The following PDE7A variants were observed in gnomAD, a reference collection of about 807,000 sequenced individuals.
PDE7A encodes the protein phosphodiesterase 7A.
A neutral mutation model predicts 64.3 loss-of-function variants in PDE7A; 39 were observed. That is an observed-to-expected ratio of 0.61 (90% CI 0.47 to 0.79). The LOEUF is 0.79. Among genes scored for constraint, PDE7A ranks in the 30% least tolerant of loss-of-function variants. The pLI, the probability that PDE7A is intolerant of heterozygous loss-of-function variation, is 0.00. For synonymous variants in PDE7A, 203 were observed against 206.8 expected, an observed-to-expected ratio of 0.98 and a Z score of 0.16; for missense variants, 470 against 582.8, an observed-to-expected ratio of 0.81 and a Z score of 1.99.
intron 1 of PDE7A, among the ~76,000 whole-genome samples, chr8:65,826,532 G>T (rs562257541): frequency 2.0e-5 from 3 of 152,124 alleles, no homozygotes; most frequent in Non-Finnish European, 4.4e-5. Context: ...AAAATGTATT[G>T]CAACTGTCTA....
chr8:65,830,083 C>T (rs1196520143), intron 1 of PDE7A, among the ~76,000 whole-genome samples: 1 of 152,090 alleles, frequency 6.6e-6, no homozygotes, highest in Non-Finnish European at 1.5e-5. Flanking sequence ...TTCCCCTCTG[C>T]CACTTCATAA....
At chr8:65,787,525 A>C (rs1015258945) in intron 1 of PDE7A, among the ~76,000 whole-genome samples, 5 of 152,196 alleles carry the variant, frequency 3.3e-5, no homozygotes, top group Non-Finnish European at 7.3e-5. Flanking sequence ...TAAAGTATTC[A>C]AATATTGCAC....
At chr8:65,761,330 C>CT (rs1365147894) in intron 3 of PDE7A, among the ~76,000 whole-genome samples, 5 of 152,196 alleles carry the variant, frequency 3.3e-5, no homozygotes, top group African/African-American at 4.8e-5. Context: ...TCCCAAAGTG[C>CT]TAGGATTACA....
intron 1 of PDE7A, among the ~76,000 whole-genome samples, chr8:65,788,473 A>G (rs1809618544): frequency 6.6e-6 from 1 of 152,198 alleles, no homozygotes; most frequent in African/African-American, 2.4e-5. Context: ...TAAAAAGTTT[A>G]TAATTGTTTA....
chr8:65,733,515 A>T lies in PDE7A; in HGVS notation c.696+1279T>A, dbSNP rs190869054. On this transcript the variant is annotated intron_variant, in intron 7 of 12. Coordinates refer to ENST00000401827, the MANE Select transcript of PDE7A (RefSeq NM_001242318.3). ...GAGACCCTGTCTCTACAAAAAATTT[A>T]AAAAATTAGCTGGCCTCCAGCTTGA... is the stretch of plus-strand genomic sequence containing the variant. 5.2e-3 allele frequency among the ~76,000 whole-genome samples: 789 copies of T among 152,212 alleles called. 6 individuals are homozygous for T. The highest frequency in any genetic ancestry group is 6.4e-3 in the Non-Finnish European group (436 of 68,010).
At chr8:65,762,991 ATGTGTGTGTGTGTGTGTGTGTG>A (rs34371328) in intron 3 of PDE7A, among the ~76,000 whole-genome samples, 115 of 138,612 alleles carry the variant, frequency 8.3e-4, no homozygotes, top group African/African-American at 2.6e-3. Flanking sequence ...TATAAAAACA[ATGTGTGTGTGTGTGTGTGTGTG>A]TGTGTGTGTG....
rs114386632 is a variant in PDE7A, at chr8:65,824,800, C to T, written c.138+16571G>A. ...GTACACTTAATAGACTACAGTACAG[C>T]GCAAACATAACTTTTATATGCATGG... On this transcript the variant is annotated intron_variant, in intron 1 of 12. Coordinates refer to ENST00000401827, the MANE Select transcript of PDE7A (RefSeq NM_001242318.3). Among the ~76,000 whole-genome samples the T allele has an allele frequency of 6.0e-3, 920 of 152,242 alleles. 9 individuals carry two copies. The highest frequency in any genetic ancestry group is 0.02 in the African/African-American group (845 of 41,546).
At chr8:65,813,743 A>G (rs556252145) in intron 1 of PDE7A, among the ~76,000 whole-genome samples, 2 of 152,294 alleles carry the variant, frequency 1.3e-5, no homozygotes, top group Admixed American at 6.5e-5. Flanking sequence ...GGACAATTAC[A>G]AAGAAGATAT....
At chr8:65,775,453 T>C (rs763177152) in intron 3 of PDE7A, among the ~76,000 whole-genome samples, 90 of 152,254 alleles carry the variant, frequency 5.9e-4, no homozygotes, top group Admixed American at 6.5e-4. Context: ...CTGAATTTCA[T>C]AGATTTTCCC....
intron 4 of PDE7A, among the ~76,000 whole-genome samples, chr8:65,746,030 G>A (rs58130108): frequency 0.43 from 65,598 of 151,596 alleles, 16,252 homozygotes; most frequent in African/African-American, 0.68. Flanking sequence ...TCCTGGGCTC[G>A]AGCAATCCTC....
intron 1 of PDE7A, among the ~76,000 whole-genome samples, chr8:65,803,881 T>C (rs1354417699): frequency 6.6e-6 from 1 of 152,170 alleles, no homozygotes; most frequent in East Asian, 1.9e-4. Context: ...GGACAGAGGA[T>C]ACGATTGGGA....
At chr8:65,776,230 C>T (rs1809255546) in intron 3 of PDE7A, among the ~76,000 whole-genome samples, 1 of 152,092 alleles carries the variant, frequency 6.6e-6, no homozygotes, top group South Asian at 2.1e-4. Context: ...TATCTTCTAC[C>T]TACTTCATTA....
chr8:65,832,800 T>G (rs1810864403), intron 1 of PDE7A, among the ~76,000 whole-genome samples: 1 of 152,142 alleles, frequency 6.6e-6, no homozygotes, highest in Non-Finnish European at 1.5e-5. Context: ...ATCACATTTT[T>G]TAGTATGCAT....
chr8:65,737,567 C>T (rs1006057991), intron 6 of PDE7A, among the ~76,000 whole-genome samples: 3 of 152,096 alleles, frequency 2.0e-5, no homozygotes, highest in East Asian at 1.9e-4. Context: ...TACAGTGGCG[C>T]GATCTCGGCT....
intron 6 of PDE7A, among the ~76,000 whole-genome samples, chr8:65,735,101 C>T (rs1807070610): frequency 6.6e-6 from 1 of 152,132 alleles, no homozygotes; most frequent in South Asian, 2.1e-4. Context: ...CTATCATGGA[C>T]GAACAGACTA....
chr8:65,737,968 A>G (rs931001994), intron 6 of PDE7A, among the ~76,000 whole-genome samples: 3 of 152,342 alleles, frequency 2.0e-5, no homozygotes, highest in East Asian at 1.9e-4. Context: ...AAGGATATCA[A>G]ATCAATGTGA....
intron 1 of PDE7A, among the ~76,000 whole-genome samples, chr8:65,818,854 C>A (rs1429775486): frequency 6.6e-6 from 1 of 152,124 alleles, no homozygotes; most frequent in Non-Finnish European, 1.5e-5. Context: ...AATTCATATC[C>A]ACAACATTAC....
intron 3 of PDE7A, among the ~76,000 whole-genome samples, chr8:65,777,202 C>A (rs998953301): frequency 1.6e-4 from 24 of 151,798 alleles, no homozygotes; most frequent in African/African-American, 5.3e-4. Flanking sequence ...GCCTCGGCCT[C>A]CCAAGTAGCT....
Position 65,717,325 on chromosome 8 carries a change from C to G in PDE7A, c.*1965G>C, listed in dbSNP as rs909719950. ...TACCTTGTTTACAACTGATATCAAT[C>G]AAGTAGAGTGGAGTGGCCTTTTCTT... is the stretch of plus-strand genomic sequence containing the variant. On this transcript the variant is annotated 3_prime_UTR_variant, in exon 13 of 13. Transcript: ENST00000401827. 6.6e-6 allele frequency among the ~76,000 whole-genome samples: 1 copy of G among 152,184 alleles called. No homozygotes were observed. Among genetic ancestry groups the G allele is most frequent in the Non-Finnish European group, 1.5e-5 (1 of 68,030 alleles).
Sources: allele counts gnomAD v4.1 joint callset (sites outside exome capture counted in the v4.1 genomes callset), GRCh38; gene constraint gnomAD v4.1.1; transcripts MANE v1.5; gene names NCBI Gene and HGNC (gene_info 2026-07-23, HGNC 2026-07-21).